ZFHX4: variants seen among roughly 807,000 people sequenced by gnomAD.
ZFHX4 encodes zinc finger homeobox protein 4.
ZFHX4 carries 56 observed loss-of-function variants against 267.6 expected under a neutral mutation model. The observed-to-expected ratio is 0.21, with a 90% CI of 0.17 to 0.26. ZFHX4 has a LOEUF of 0.26. ZFHX4 is among the 10% of genes least tolerant of loss of function. The pLI, the probability that ZFHX4 is intolerant of heterozygous loss-of-function variation, is 1.00. For synonymous variants in ZFHX4, 1,778 were observed against 1,665.6 expected, an observed-to-expected ratio of 1.07 and a Z score of -1.64; for missense variants, 4,332 against 4,420.0, an observed-to-expected ratio of 0.98 and a Z score of 0.56.
At chr8:76,750,945 C>T (rs7823203) in intron 3 of ZFHX4, among the ~76,000 whole-genome samples, 42,616 of 151,952 alleles carry the variant, frequency 0.28, 8,196 homozygotes, top group African/African-American at 0.54. Flanking sequence ...TTTTCTCATA[C>T]CTTAAAAAAC....
intron 3 of ZFHX4, among the ~76,000 whole-genome samples, chr8:76,710,321 G>A (rs940502763): frequency 6.6e-6 from 1 of 152,166 alleles, no homozygotes; most frequent in Admixed American, 6.5e-5. Flanking sequence ...GTAGCATTGT[G>A]TTGAGGATTC....
At chr8:76,780,800 C>A (rs1810526445) in intron 4 of ZFHX4, among the ~76,000 whole-genome samples, 2 of 152,076 alleles carry the variant, frequency 1.3e-5, no homozygotes, top group South Asian at 2.1e-4. Context: ...TCAGCTGTGG[C>A]ATTCTGAGGG....
intron 1 of ZFHX4, among the ~76,000 whole-genome samples, chr8:76,684,594 A>T (rs898321015): frequency 6.6e-6 from 1 of 152,218 alleles, no homozygotes; most frequent in African/African-American, 2.4e-5. Context: ...AGTGAAATGT[A>T]CCCAAGGAAC....
At chr8:76,777,753 T>C (rs1320670024) in intron 3 of ZFHX4, among the ~76,000 whole-genome samples, 1 of 152,120 alleles carries the variant, frequency 6.6e-6, no homozygotes, top group Non-Finnish European at 1.5e-5. Context: ...TTTCAGCTTA[T>C]GGTTAAAGTT....
intron 1 of ZFHX4, 133 bp from the exon 2 acceptor site, chr8:76,703,910 C>T (rs1023134283): frequency 3.9e-5 from 25 of 649,160 alleles, no homozygotes; most frequent in Non-Finnish European, 6.0e-5. Context: ...TAGATAGGCA[C>T]GCCGGTTTTA....
chr8:76,742,114 G>A (rs115504496), intron 3 of ZFHX4, among the ~76,000 whole-genome samples: 346 of 152,292 alleles, frequency 2.3e-3, no homozygotes, highest in African/African-American at 7.9e-3. Flanking sequence ...ATGTACAAGA[G>A]GAATAAGCAG....
At position 76,707,858 on chromosome 8, in the gene ZFHX4, T is replaced by C. The variant is rs764864670; in HGVS notation, c.2903T>C (p.Met968Thr). The change falls in exon 3 of 11, where the codon ATG (methionine) becomes ACG (threonine). Residue 968 changes from methionine to threonine, a missense_variant. Physicochemically the swap from Met to Thr is moderately conservative, Grantham distance 81. This residue lies in a region of ZFHX4 where 1,371 missense variants were observed against 1,423.1 expected (regional missense o/e 0.96). Coordinates refer to ENST00000651372, the MANE Select transcript of ZFHX4 (RefSeq NM_024721.5). ...CTACACTGCAAGACTGATAAACATA[T>C]GCAGAAATATCAACTGGTGGCTCAC... The part of the protein sequence containing the change: ...FQLHCKTDKH[M>T]QKYQLVAHIK... The C allele has an allele frequency of 2.2e-5, 35 of 1,613,962 alleles. No individual in the cohort carries two copies. In the African/African-American group the frequency reaches 3.6e-4, roughly 17 times the overall value.
intron 4 of ZFHX4, among the ~76,000 whole-genome samples, chr8:76,811,124 A>G (rs977100492): frequency 6.6e-6 from 1 of 152,146 alleles, no homozygotes; most frequent in Non-Finnish European, 1.5e-5. Flanking sequence ...CTCACGGCTA[A>G]GGACTTCCCC....
chr8:76,822,112 CCTT>C (rs1811665415), intron 4 of ZFHX4, among the ~76,000 whole-genome samples: 1 of 152,066 alleles, frequency 6.6e-6, no homozygotes, highest in Admixed American at 6.6e-5. Context: ...CATATCCAAA[CCTT>C]CTTTTTACTC....
intron 3 of ZFHX4, among the ~76,000 whole-genome samples, chr8:76,771,201 TA>T (rs140192433): frequency 0.02 from 2,995 of 152,266 alleles, 54 homozygotes; most frequent in Middle Eastern, 0.048. Flanking sequence ...TTTCCCTTTC[TA>T]ATTTTACCTG....
intron 3 of ZFHX4, among the ~76,000 whole-genome samples, chr8:76,712,148 T>C (rs778027247): frequency 5.9e-5 from 9 of 152,180 alleles, no homozygotes; most frequent in Non-Finnish European, 1.0e-4. Flanking sequence ...AAATTGCCTG[T>C]CTCCATGGTG....
Position 76,817,889 on chromosome 8 carries a change from A to T in ZFHX4, c.3326-15449A>T, listed in dbSNP as rs188677826. On this transcript the variant is annotated intron_variant, in intron 4 of 10. Transcript: ENST00000651372. ...GTGGAGAAAAGGACCCTTCTTTAGT[A>T]TCTGGAAGATTCTTCTACTACTACC... Among the ~76,000 whole-genome samples the T allele has an allele frequency of 2.4e-3, 361 of 152,340 alleles. 1 individual carries two copies. Among genetic ancestry groups the T allele is most frequent in the Non-Finnish European group, 3.7e-3 (251 of 68,032 alleles).
At chr8:76,810,656 T>C (rs1365740553) in intron 4 of ZFHX4, among the ~76,000 whole-genome samples, 2 of 152,156 alleles carry the variant, frequency 1.3e-5, no homozygotes, top group African/African-American at 2.4e-5. Flanking sequence ...GAAACCGTTA[T>C]ACTGGCAGAT....
intron 5 of ZFHX4, among the ~76,000 whole-genome samples, chr8:76,836,767 A>AT (rs1464036298): frequency 6.6e-6 from 1 of 152,120 alleles, no homozygotes; most frequent in Admixed American, 6.6e-5. Flanking sequence ...TGCAGAATAA[A>AT]TTAAAGGAAC....
At chr8:76,692,401 G>A (rs1052550249) in intron 1 of ZFHX4, among the ~76,000 whole-genome samples, 1 of 152,106 alleles carries the variant, frequency 6.6e-6, no homozygotes, top group African/African-American at 2.4e-5. Context: ...TGCCAAGAAA[G>A]GAGAATGGAT....
At chr8:76,856,504 AG>A (rs1370692050) in intron 10 of ZFHX4, among the ~76,000 whole-genome samples, 1 of 152,192 alleles carries the variant, frequency 6.6e-6, no homozygotes, top group African/African-American at 2.4e-5. Flanking sequence ...AATAAAGACT[AG>A]GTAGATCACA....
chr8:76,699,371 G>A (rs1405368468), intron 1 of ZFHX4, among the ~76,000 whole-genome samples: 1 of 152,054 alleles, frequency 6.6e-6, no homozygotes, highest in Non-Finnish European at 1.5e-5. Flanking sequence ...TCTTGCTAAT[G>A]TTTTTAATAC....
At chr8:76,834,596 G>GTTTA (rs1300285159) in intron 5 of ZFHX4, among the ~76,000 whole-genome samples, 1 of 151,974 alleles carries the variant, frequency 6.6e-6, no homozygotes, top group Non-Finnish European at 1.5e-5. Flanking sequence ...TAATTGAATT[G>GTTTA]TTTATTTGCT....
At chr8:76,742,388 A>T (rs1176415349) in intron 3 of ZFHX4, among the ~76,000 whole-genome samples, 1 of 152,084 alleles carries the variant, frequency 6.6e-6, no homozygotes, top group East Asian at 1.9e-4. Context: ...ATACAACTGG[A>T]CCTTTACCTA....
Sources: gnomAD v4.1 joint callset for allele counts (sites outside exome capture counted in the v4.1 genomes callset) on GRCh38, gnomAD v4.1.1 for gene constraint, gnomAD v4.1.1 regional missense constraint, MANE v1.5 for transcripts, NCBI Gene and HGNC (gene_info 2026-07-23, HGNC 2026-07-21) for gene names.